Variants in WWOX observed in about 807,000 individuals in gnomAD.
The protein encoded by WWOX is WW domain containing oxidoreductase, also known as WW domain-containing oxidoreductase.
Under a neutral mutation model 46.2 loss-of-function variants are expected in WWOX, and 69 were observed. The ratio of observed to expected loss-of-function variants is 1.49; its 90% CI spans 1.23 to 1.82. The LOEUF is 1.82. Ranked by LOEUF, WWOX falls within the 40% of genes most tolerant of loss-of-function variation. WWOX has a pLI of 0.00. For missense variants in WWOX, 919 were observed against 542.6 expected, an observed-to-expected ratio of 1.69 and a Z score of -6.89; for synonymous variants, 359 against 202.6, an observed-to-expected ratio of 1.77 and a Z score of -6.56.
intron 8 of WWOX, among the ~76,000 whole-genome samples, chr16:78,678,323 G>C (rs947338916): frequency 6.6e-6 from 1 of 152,162 alleles, no homozygotes; most frequent in Non-Finnish European, 1.5e-5. Context: ...CTGCAGTAGG[G>C]TATGAGCGGG....
At chr16:78,258,419 A>G (rs1173481940) in intron 5 of WWOX, among the ~76,000 whole-genome samples, 2 of 152,206 alleles carry the variant, frequency 1.3e-5, no homozygotes, top group Non-Finnish European at 2.9e-5. Flanking sequence ...GTGAAAACTA[A>G]AATGCCTTCA....
intron 8 of WWOX, among the ~76,000 whole-genome samples, chr16:78,643,073 A>G (rs548721232): frequency 4.6e-5 from 7 of 152,274 alleles, no homozygotes; most frequent in East Asian, 1.9e-4. Context: ...CCCCAACTAG[A>G]TAAGCCAAGA....
chr16:78,764,160 A>C (rs921308405), intron 8 of WWOX, among the ~76,000 whole-genome samples: 1 of 152,134 alleles, frequency 6.6e-6, no homozygotes, highest in Non-Finnish European at 1.5e-5. Context: ...TTTCTCCTGT[A>C]CTCAGCAGGT....
At chr16:78,911,006 A>G (rs1258419112) in intron 8 of WWOX, among the ~76,000 whole-genome samples, 2 of 152,074 alleles carry the variant, frequency 1.3e-5, no homozygotes, top group Non-Finnish European at 2.9e-5. Flanking sequence ...TTTGTCAATT[A>G]AAAATAAATT....
chr16:78,658,024 A>G (rs575074628), intron 8 of WWOX, among the ~76,000 whole-genome samples: 12 of 152,154 alleles, frequency 7.9e-5, no homozygotes, highest in African/African-American at 2.9e-4. Flanking sequence ...GGCACTATTG[A>G]CATTTTAGGC....
chr16:78,206,595 C>A (rs775699267), intron 5 of WWOX, among the ~76,000 whole-genome samples: 9 of 152,068 alleles, frequency 5.9e-5, no homozygotes, highest in Non-Finnish European at 8.8e-5. Flanking sequence ...TAGAATTTCA[C>A]CCTATTCTAT....
chr16:78,374,255 A>G lies in WWOX; in HGVS notation c.517-12605A>G, dbSNP rs1001856676. Among the ~76,000 whole-genome samples, 8 of 151,956 alleles carry G rather than the reference A, an allele frequency of 5.3e-5. No homozygotes were observed. The East Asian group carries it at 7.8e-4, about 15-fold the overall frequency. On this transcript the variant is annotated intron_variant, in intron 5 of 8. Transcript: ENST00000566780. ...TGTTAGTCTTGAAAGTCTTACGTAC[A>G]TGTTTAAATTTTTTCTTAGAGTATC...
intron 8 of WWOX, among the ~76,000 whole-genome samples, chr16:78,935,102 A>G (rs1306043793): frequency 1.3e-5 from 2 of 152,178 alleles, no homozygotes; most frequent in Non-Finnish European, 2.9e-5. Context: ...AGTCAGGAAA[A>G]AACAGGTCCT....
chr16:78,394,232 A>G (rs1449866212), intron 6 of WWOX, among the ~76,000 whole-genome samples: 2 of 152,216 alleles, frequency 1.3e-5, no homozygotes, highest in African/African-American at 4.8e-5. Flanking sequence ...TTTGCCTAAC[A>G]GAAGATCATC....
At chr16:79,122,386 C>A (rs1380886070) in intron 8 of WWOX, among the ~76,000 whole-genome samples, 1 of 152,168 alleles carries the variant, frequency 6.6e-6, no homozygotes, top group Non-Finnish European at 1.5e-5. Flanking sequence ...ACAAAATCCT[C>A]CAATATTAAG....
intron 6 of WWOX, among the ~76,000 whole-genome samples, chr16:78,396,138 C>CT (rs971356868): frequency 1.3e-5 from 2 of 152,182 alleles, no homozygotes; most frequent in African/African-American, 4.8e-5. Flanking sequence ...GGAAATAAAG[C>CT]TTATGCCTTC....
At chr16:78,133,543 AC>A (rs2033682288) in intron 4 of WWOX, among the ~76,000 whole-genome samples, 2 of 151,672 alleles carry the variant, frequency 1.3e-5, no homozygotes, top group African/African-American at 4.8e-5. Flanking sequence ...TTACAGGCTC[AC>A]GCCACCATGC....
At chr16:78,550,403 G>T (rs974942522) in intron 8 of WWOX, among the ~76,000 whole-genome samples, 1 of 152,190 alleles carries the variant, frequency 6.6e-6, no homozygotes, top group East Asian at 1.9e-4. Context: ...AAGCCAATGG[G>T]CATGGTTGTG....
intron 8 of WWOX, among the ~76,000 whole-genome samples, chr16:79,063,484 C>A (rs1410955393): frequency 5.3e-5 from 8 of 152,116 alleles, no homozygotes; most frequent in African/African-American, 1.9e-4. Flanking sequence ...AACTACAAAA[C>A]AAAAGCAAGA....
chr16:78,120,622 T>C (rs2033048226), intron 4 of WWOX, among the ~76,000 whole-genome samples: 1 of 151,642 alleles, frequency 6.6e-6, no homozygotes. Context: ...CAAAATGTAA[T>C]TATAGTGTGA....
chr16:79,049,725 A>T (rs551021610), intron 8 of WWOX, among the ~76,000 whole-genome samples: 3 of 151,666 alleles, frequency 2.0e-5, no homozygotes, highest in Admixed American at 6.6e-5. Flanking sequence ...AATCCCAGCC[A>T]CTTGGGAGGC....
At chr16:78,831,423 A>T (rs1321423761) in intron 8 of WWOX, among the ~76,000 whole-genome samples, 3 of 152,224 alleles carry the variant, frequency 2.0e-5, no homozygotes, top group Admixed American at 2.0e-4. Context: ...TGATGTCTTA[A>T]GATGCTTAGC....
In WWOX at chr16:78,350,721, T is replaced by G. The variant is rs1167538992; in HGVS notation, c.517-36139T>G. 3.3e-5 allele frequency among the ~76,000 whole-genome samples: 4 copies of G among 121,534 alleles called. 1 individual carries two copies. Among genetic ancestry groups the G allele is most frequent in the African/African-American group, 1.1e-4 (4 of 35,870 alleles). 79.7% of individuals were successfully genotyped at this position (121,534 alleles called of 152,430 possible). On this transcript the variant is annotated intron_variant, in intron 5 of 8. Coordinates refer to ENST00000566780, the MANE Select transcript of WWOX (RefSeq NM_016373.4). The stretch of plus-strand genomic sequence containing the variant: ...TCAGTTCACGGACATGTAGGTTGTT[T>G]CCACATTTTGGCTATTGTGCATAAT...
At chr16:78,304,083 A>G (rs1313952546) in intron 5 of WWOX, among the ~76,000 whole-genome samples, 2 of 152,236 alleles carry the variant, frequency 1.3e-5, no homozygotes, top group Non-Finnish European at 2.9e-5. Flanking sequence ...ATTTGGAAAC[A>G]TAGCTTCGGT....
Sources: gnomAD v4.1 joint callset for allele counts (sites outside exome capture counted in the v4.1 genomes callset) on GRCh38, gnomAD v4.1.1 for gene constraint, MANE v1.5 for transcripts, NCBI Gene and HGNC (gene_info 2026-07-23, HGNC 2026-07-21) for gene names.